The following RPH3A variants were observed in gnomAD, a reference collection of about 807,000 sequenced individuals.
RPH3A encodes the protein rabphilin 3A.
Under a neutral mutation model 102.2 loss-of-function variants are expected in RPH3A, and 48 were observed. The ratio of observed to expected loss-of-function variants is 0.47; its 90% CI spans 0.37 to 0.60. The LOEUF is 0.60. Among genes scored for constraint, RPH3A ranks in the 20% least tolerant of loss-of-function variants. The probability of loss-of-function intolerance (pLI) is 0.00; values close to 1 mark genes in which losing one functional copy is unlikely to be tolerated. For missense variants in RPH3A, 781 were observed against 910.1 expected, an observed-to-expected ratio of 0.86 and a Z score of 1.83; for synonymous variants, 310 against 324.3, an observed-to-expected ratio of 0.96 and a Z score of 0.47.
At chr12:112,727,444 CACACACAG>C (rs1343279135) in intron 1 of RPH3A, among the ~76,000 whole-genome samples, 5 of 11,002 alleles carry the variant, frequency 4.5e-4, no homozygotes, top group African/African-American at 4.0e-3. Context: ...CACATACATA[CACACACAG>C]ACACAGACAC....
chr12:112,878,176 A>C (rs575234407), intron 13 of RPH3A, among the ~76,000 whole-genome samples: 31 of 152,312 alleles, frequency 2.0e-4, no homozygotes, highest in African/African-American at 7.5e-4. Flanking sequence ...CTTGTCAGCC[A>C]CAGGCTGGTT....
chr12:112,858,399 G>T (rs2042449322), intron 5 of RPH3A, among the ~76,000 whole-genome samples: 1 of 150,502 alleles, frequency 6.6e-6, no homozygotes, highest in Non-Finnish European at 1.5e-5. Context: ...ACAAGACCCT[G>T]CATGGAGTGG....
intron 10 of RPH3A, among the ~76,000 whole-genome samples, chr12:112,871,753 T>C (rs968320058): frequency 1.3e-5 from 2 of 149,414 alleles, no homozygotes; most frequent in African/African-American, 4.9e-5. Context: ...TACAATAGAA[T>C]ATATAGAAAC....
chr12:112,715,921 C>T (rs767093297), intron 1 of RPH3A, among the ~76,000 whole-genome samples: 22 of 152,162 alleles, frequency 1.4e-4, no homozygotes, highest in African/African-American at 4.1e-4. Context: ...ATTATTCATG[C>T]GTTTTCCAGG....
rs1316147450 is a variant in RPH3A, at chr12:112,856,476, ACATGTG to A, written c.230+8641_230+8646del. On this transcript the variant is annotated intron_variant, in intron 5 of 21. Coordinates refer to ENST00000389385, the MANE Select transcript of RPH3A (RefSeq NM_001143854.2). ...ATTCTTGCATGTAGGTTCTGATCAC[ACATGTG>A]CATGTGTGTGTGTGTGTGTGTGTGT... Among the ~76,000 whole-genome samples the A allele has an allele frequency of 2.5e-5, 3 of 122,106 alleles. No homozygotes were observed. In the Admixed American group the frequency reaches 2.6e-4, roughly 11 times the overall value. 80.1% of individuals were successfully genotyped at this position (122,106 alleles called of 152,430 possible). A position where few individuals can be genotyped will look rare whatever the true frequency, so the allele number is the denominator to read the frequency against.
chr12:112,819,456 G>GA lies in RPH3A; in HGVS notation c.-18-8844dup, dbSNP rs1311140843. ...ATTTTACAGATGCAAAACTTGCTTAGAGTCATGCAGAGACTAAAAAGGGGA... is the reference window on the plus strand; with the variant it reads ...ATTTTACAGATGCAAAACTTGCTTAGAAGTCATGCAGAGACTAAAAAGGGGA... On this transcript the variant is annotated intron_variant, in intron 2 of 21. Transcript: ENST00000389385. Among the ~76,000 whole-genome samples the GA allele has an allele frequency of 8.5e-5, 13 of 152,146 alleles. No homozygotes were observed. The East Asian group carries it at 2.3e-3, about 27-fold the overall frequency.
intron 5 of RPH3A, 105 bp from the exon 6 acceptor site, chr12:112,865,309 C>T (rs2042590372): frequency 4.6e-6 from 6 of 1,304,830 alleles, no homozygotes; most frequent in Non-Finnish European, 6.4e-6. Flanking sequence ...AGACGCACAA[C>T]AGCGTATGAC....
chr12:112,887,975 C>A, intron 17 of RPH3A, 52 bp downstream of exon 17: 1 of 1,595,684 alleles, frequency 6.3e-7, no homozygotes, highest in Non-Finnish European at 8.6e-7. Context: ...ATTGGGGGAG[C>A]TGCCTTCCTC....
chr12:112,589,083 T>C (rs1397616782), intron 1 of RPH3A, among the ~76,000 whole-genome samples: 1 of 150,844 alleles, frequency 6.6e-6, no homozygotes, highest in Admixed American at 6.6e-5. Flanking sequence ...AAACACAGGG[T>C]TTCTGGTATG....
chr12:112,863,405 C>T (rs1053016512), intron 5 of RPH3A, among the ~76,000 whole-genome samples: 1 of 152,196 alleles, frequency 6.6e-6, no homozygotes, highest in African/African-American at 2.4e-5. Context: ...GCAACCTCCG[C>T]CTCCTGGGTC....
chr12:112,618,144 G>T (rs2039695624), intron 1 of RPH3A, among the ~76,000 whole-genome samples: 1 of 152,138 alleles, frequency 6.6e-6, no homozygotes, highest in Non-Finnish European at 1.5e-5. Flanking sequence ...TTCATCCCAT[G>T]CACACAGCAC....
intron 1 of RPH3A, among the ~76,000 whole-genome samples, chr12:112,602,437 C>T (rs768085941): frequency 6.6e-6 from 1 of 152,138 alleles, no homozygotes; most frequent in Non-Finnish European, 1.5e-5. Flanking sequence ...ACCTCCCTGG[C>T]TTACCATCCA....
At chr12:112,767,704 A>T (rs932078261) in intron 1 of RPH3A, among the ~76,000 whole-genome samples, 1 of 152,104 alleles carries the variant, frequency 6.6e-6, no homozygotes, top group East Asian at 1.9e-4. Flanking sequence ...TTATATGAAA[A>T]CTGGGTATGA....
intron 1 of RPH3A, among the ~76,000 whole-genome samples, chr12:112,782,568 G>A (rs776642106): frequency 1.1e-4 from 17 of 152,204 alleles, no homozygotes; most frequent in Admixed American, 1.3e-4. Flanking sequence ...CTTGTTGAGT[G>A]AATAGATGAG....
intron 17 of RPH3A, 113 bp from the exon 18 acceptor site, chr12:112,889,911 C>G (rs1370944503): frequency 3.2e-6 from 3 of 942,502 alleles, no homozygotes; most frequent in Non-Finnish European, 5.0e-6. Context: ...GCTTAAGAAC[C>G]CACTTTCATG....
At chr12:112,705,590 A>G (rs1310417575) in intron 1 of RPH3A, among the ~76,000 whole-genome samples, 2 of 152,226 alleles carry the variant, frequency 1.3e-5, no homozygotes, top group African/African-American at 4.8e-5. Flanking sequence ...AAAAAAGTAG[A>G]ATACAATTTC....
intron 1 of RPH3A, chr12:112,651,637 G>T (rs2039975815): frequency 6.6e-6 from 1 of 152,268 alleles, no homozygotes; most frequent in Non-Finnish European, 1.5e-5. Context: ...ATACAATTGA[G>T]TAGCATTAAG....
chr12:112,841,193 A>AAAAAAAAAAAAAAAAAAAAAAC (rs1260890937), intron 4 of RPH3A, among the ~76,000 whole-genome samples: 2 of 150,140 alleles, frequency 1.3e-5, no homozygotes, highest in African/African-American at 2.4e-5. Flanking sequence ...AAAAAAAAAA[A>AAAAAAAAAAAAAAAAAAAAAAC]AGCCTCGTTG....
At chr12:112,739,680 T>A (rs1421177124) in intron 1 of RPH3A, among the ~76,000 whole-genome samples, 1 of 152,246 alleles carries the variant, frequency 6.6e-6, no homozygotes, top group Non-Finnish European at 1.5e-5. Context: ...TTGGCCTTAT[T>A]TATCTGTCCT....
Sources: gnomAD v4.1 joint callset for allele counts (sites outside exome capture counted in the v4.1 genomes callset) on GRCh38, gnomAD v4.1.1 for gene constraint, MANE v1.5 for transcripts, NCBI Gene and HGNC (gene_info 2026-07-23, HGNC 2026-07-21) for gene names.